NLN: variants seen among roughly 807,000 people sequenced by gnomAD.
The protein encoded by NLN is neurolysin, also known as neurolysin, mitochondrial.
NLN carries 64 observed loss-of-function variants against 79.9 expected under a neutral mutation model. That is an observed-to-expected ratio of 0.80 (90% CI 0.65 to 0.99). The LOEUF (loss-of-function observed/expected upper bound fraction) is 0.99, where lower values mean the gene tolerates loss of function less well. NLN is among the 50% of genes least tolerant of loss of function. The pLI is 0.00. For missense variants in NLN, 835 were observed against 858.7 expected, an observed-to-expected ratio of 0.97 and a Z score of 0.34; for synonymous variants, 267 against 296.6, an observed-to-expected ratio of 0.90 and a Z score of 1.02.
At chr5:65,728,069 A>G (rs918368665) in intron 1 of NLN, among the ~76,000 whole-genome samples, 2 of 152,194 alleles carry the variant, frequency 1.3e-5, no homozygotes, top group African/African-American at 4.8e-5. Context: ...CACCTGGCCT[A>G]AAAAACACAG....
intron 1 of NLN, 107 bp downstream of exon 1, chr5:65,722,521 C>A: frequency 9.6e-7 from 1 of 1,039,212 alleles, no homozygotes; most frequent in Non-Finnish European, 1.4e-6. Flanking sequence ...CTCTCCGACG[C>A]TCCCGGGACG....
chr5:65,812,047 G>A (rs916360017), intron 11 of NLN, among the ~76,000 whole-genome samples: 1 of 152,154 alleles, frequency 6.6e-6, no homozygotes, highest in African/African-American at 2.4e-5. Context: ...GCTTGGGGCC[G>A]AAACCAGCTC....
chr5:65,785,394 G>T (rs1336603176), intron 6 of NLN, among the ~76,000 whole-genome samples: 2 of 152,102 alleles, frequency 1.3e-5, no homozygotes, highest in African/African-American at 4.8e-5. Context: ...TTTACGTTAT[G>T]TGTATTTTAC....
At chr5:65,777,094 T>G (rs945586598) in intron 3 of NLN, among the ~76,000 whole-genome samples, 3 of 152,252 alleles carry the variant, frequency 2.0e-5, no homozygotes, top group Non-Finnish European at 2.9e-5. Flanking sequence ...AAATATGTTT[T>G]GTGAAAAAGA....
chr5:65,811,449 G>T (rs1417636095), intron 11 of NLN, among the ~76,000 whole-genome samples: 1 of 152,152 alleles, frequency 6.6e-6, no homozygotes, highest in Non-Finnish European at 1.5e-5. Context: ...GCTGAGGCGG[G>T]AAGATCACTT....
intron 7 of NLN, 130 bp downstream of exon 7, chr5:65,786,040 T>G (rs1383523709): frequency 3.9e-6 from 3 of 771,836 alleles, no homozygotes; most frequent in Admixed American, 5.6e-5. Context: ...ATTGATCACC[T>G]ATTAAGTGTT....
chr5:65,781,960 C>T (rs1301440516), intron 6 of NLN, among the ~76,000 whole-genome samples: 3 of 152,142 alleles, frequency 2.0e-5, no homozygotes, highest in Non-Finnish European at 4.4e-5. Flanking sequence ...AAGTTATCAG[C>T]TCCTCACCCC....
chr5:65,788,456 G>A lies in NLN; in HGVS notation c.1297G>A (p.Gly433Arg). ...VKDKATGEVL[G>R]QFYLDLYPRE... is the part of the protein sequence containing the mutation. ...GGATAAAGCTACAGGAGAAGTATTG[G>A]GACAGTTCTATTTGGACCTCTATCC... The change falls in exon 8 of 13, where the codon GGA becomes AGA. Residue 433 changes from glycine (G) to arginine (R), a missense_variant. Transcript: ENST00000380985. The A allele has an allele frequency of 6.2e-7, 1 of 1,613,916 alleles. No individual in the cohort carries two copies. Among genetic ancestry groups the A allele is most frequent in the Non-Finnish European group, 8.5e-7 (1 of 1,179,834 alleles).
intron 3 of NLN, among the ~76,000 whole-genome samples, chr5:65,776,976 C>G (rs1294640888): frequency 1.3e-5 from 2 of 152,180 alleles, no homozygotes; most frequent in Admixed American, 1.3e-4. Context: ...GCAAAAGAGT[C>G]CCACTCTGCA....
rs1759794676 is a variant in NLN, at chr5:65,781,304, T to G, written c.705T>G (p.Asp235Glu). ...TCATTGACAGTTTAGAAAAGACAGA[T>G]GATGACAAGTATAAAATTACCTTAA... ...DDFIDSLEKT[D>E]DDKYKITLKY... Residue 235 changes from aspartate to glutamate, a missense_variant, in exon 6 of 13, where the codon GAT becomes GAG. Transcript: ENST00000380985. 9 of 1,608,664 alleles carry G rather than the reference T, an allele frequency of 5.6e-6. No homozygotes were observed. Among genetic ancestry groups the G allele is most frequent in the Non-Finnish European group, 6.0e-6 (7 of 1,175,310 alleles).
Position 65,827,033 on chromosome 5 carries a change from C to T in NLN, c.*4118C>T, listed in dbSNP as rs1283009053. 1 of 151,212 alleles carries T rather than the reference C, an allele frequency of 6.6e-6. No individual in the cohort carries two copies. Among genetic ancestry groups the T allele is most frequent in the Middle Eastern group, 3.2e-3 (1 of 316 alleles). 9.4% of individuals were successfully genotyped at this position (151,212 alleles called of 1,614,324 possible). ...AAATTTCCCACTGGAAACAGATCCA[C>T]CTAAGTGATTATCTAGTATCAGCTG... On this transcript the variant is annotated 3_prime_UTR_variant, in exon 13 of 13. Transcript: ENST00000380985.
rs557893387 is a variant in NLN at position 65,752,270 on chromosome 5, G to C, written c.42-6297G>C. ...AAAAAATTCACAAAGGTCATGTTTTGAAAAGTGCTTTGAAAACAGAGGAGA... is the reference window on the plus strand; with the variant it reads ...AAAAAATTCACAAAGGTCATGTTTTCAAAAGTGCTTTGAAAACAGAGGAGA... On this transcript the variant is annotated intron_variant, in intron 1 of 12. Coordinates refer to ENST00000380985, the MANE Select transcript of NLN (RefSeq NM_020726.5). 5.9e-5 allele frequency among the ~76,000 whole-genome samples: 9 copies of C among 152,052 alleles called. No homozygotes were observed. The South Asian group carries it at 6.2e-4, about 11-fold the overall frequency.
intron 1 of NLN, among the ~76,000 whole-genome samples, chr5:65,755,253 G>A (rs1490834079): frequency 1.3e-5 from 2 of 151,960 alleles, no homozygotes; most frequent in Non-Finnish European, 2.9e-5. Context: ...CATATTTTGT[G>A]GAAATTTAAA....
intron 1 of NLN, among the ~76,000 whole-genome samples, chr5:65,725,157 G>T (rs916953942): frequency 2.6e-5 from 4 of 152,132 alleles, no homozygotes; most frequent in African/African-American, 9.7e-5. Context: ...ATAATAGAAG[G>T]TAACTGGATT....
In NLN at chr5:65,824,165, T is replaced by A. The variant is rs1263636267; in HGVS notation, c.*1250T>A. On this transcript the variant is annotated 3_prime_UTR_variant, in exon 13 of 13. Coordinates refer to ENST00000380985, the MANE Select transcript of NLN (RefSeq NM_020726.5). ...AATTTAAAAAAAAAACAACTTTGAA[T>A]TCCCCTGCCTAGGTCTTCCAGTTGT... 4 of 152,126 alleles carry A rather than the reference T, an allele frequency of 2.6e-5. No homozygotes were observed. Among genetic ancestry groups the A allele is most frequent in the African/African-American group, 9.7e-5 (4 of 41,438 alleles). 9.4% of individuals were successfully genotyped at this position (152,126 alleles called of 1,614,324 possible). A position where few individuals can be genotyped will look rare whatever the true frequency, so the allele number is the denominator to read the frequency against.
chr5:65,806,097 T>A (rs968220336), intron 9 of NLN, among the ~76,000 whole-genome samples: 8 of 152,178 alleles, frequency 5.3e-5, no homozygotes, highest in African/African-American at 1.9e-4. Context: ...AAAAAAAGAT[T>A]CCTTTCAAAA....
At chr5:65,767,132 A>G (rs1280462663) in intron 3 of NLN, among the ~76,000 whole-genome samples, 2 of 152,200 alleles carry the variant, frequency 1.3e-5, no homozygotes, top group Non-Finnish European at 2.9e-5. Flanking sequence ...TCCACTAGGC[A>G]GTGCCCTAGT....
rs778843882 is a variant in NLN at position 65,812,315 on chromosome 5, G to C, written c.1904G>C (p.Gly635Ala). The change falls in exon 12 of 13, where the codon GGA (glycine) becomes GCA (alanine). Residue 635 changes from glycine to alanine, a missense_variant. By Grantham distance (60) the Gly-to-Ala change is moderately conservative. Transcript: ENST00000380985. ...GGGGGATACGATGGCCAATATTATG[G>C]ATATCTTTGGAGTGAAGTATTTTCC... ...LAGGYDGQYY[G>A]YLWSEVFSMD... is the part of the protein sequence containing the mutation. 1 of 1,602,336 alleles carries C rather than the reference G, an allele frequency of 6.2e-7. No homozygotes were observed.
At chr5:65,799,783 G>T (rs1347306442) in intron 9 of NLN, among the ~76,000 whole-genome samples, 1 of 152,176 alleles carries the variant, frequency 6.6e-6, no homozygotes, top group Non-Finnish European at 1.5e-5. Flanking sequence ...TAGGGCAGTT[G>T]TGAAGATAAA....
Sources: allele counts gnomAD v4.1 joint callset (sites outside exome capture counted in the v4.1 genomes callset), GRCh38; gene constraint gnomAD v4.1.1; transcripts MANE v1.5; gene names NCBI Gene and HGNC (gene_info 2026-07-23, HGNC 2026-07-21).